PEX14: variants seen among roughly 807,000 people sequenced by gnomAD.
The protein encoded by PEX14 is peroxisomal membrane protein PEX14.
In PEX14, 15 loss-of-function variants were observed where a neutral mutation model predicts 49.5. The ratio of observed to expected loss-of-function variants is 0.30; its 90% CI spans 0.20 to 0.47. The LOEUF is 0.47. PEX14 is among the 20% of genes least tolerant of loss of function. The pLI, the probability that PEX14 is intolerant of heterozygous loss-of-function variation, is 1.00. For missense variants in PEX14, 398 were observed against 494.8 expected (o/e 0.80, Z 1.86); for synonymous variants, 210 against 212.7 (o/e 0.99, Z 0.11).
intron 3 of PEX14, among the ~76,000 whole-genome samples, chr1:10,571,668 G>A (rs1440352658): frequency 6.6e-6 from 1 of 152,026 alleles, no homozygotes; most frequent in African/African-American, 2.4e-5. Context: ...AATTAGCTGG[G>A]TGTGGTGGTG....
At chr1:10,568,160 G>C (rs1639862389) in intron 3 of PEX14, among the ~76,000 whole-genome samples, 1 of 151,812 alleles carries the variant, frequency 6.6e-6, no homozygotes, top group Non-Finnish European at 1.5e-5. Context: ...TACTTTTCTT[G>C]TCCAGTTGCA....
chr1:10,536,438 A>AC (rs1317710923), intron 3 of PEX14, 141 bp downstream of exon 3: 4 of 697,650 alleles, frequency 5.7e-6, no homozygotes, highest in Admixed American at 2.1e-5. Flanking sequence ...GCTGAGGCGA[A>AC]CCCCCCAGTG....
At chr1:10,475,339 G>C (rs1641176427) in intron 1 of PEX14, among the ~76,000 whole-genome samples, 1 of 152,180 alleles carries the variant, frequency 6.6e-6, no homozygotes, top group African/African-American at 2.4e-5. Context: ...GCGAGGGCTT[G>C]AGAAGGAGAG....
intron 3 of PEX14, among the ~76,000 whole-genome samples, chr1:10,542,444 T>C (rs1236605166): frequency 6.6e-6 from 1 of 152,226 alleles, no homozygotes; most frequent in East Asian, 1.9e-4. Flanking sequence ...TAATATTCCA[T>C]TATATGCATG....
chr1:10,510,863 A>G (rs964346544), intron 2 of PEX14, among the ~76,000 whole-genome samples: 2 of 152,232 alleles, frequency 1.3e-5, no homozygotes, highest in Admixed American at 6.5e-5. Flanking sequence ...GATGACTGCT[A>G]CGCAAGCAAC....
chr1:10,598,484 C>T (rs541396291), intron 3 of PEX14, among the ~76,000 whole-genome samples: 94 of 152,334 alleles, frequency 6.2e-4, no homozygotes, highest in Non-Finnish European at 1.0e-3. Flanking sequence ...ATCCTCTCCA[C>T]ATGGCATAGC....
chr1:10,522,915 C>T (rs1049411045), intron 2 of PEX14, among the ~76,000 whole-genome samples: 1 of 152,138 alleles, frequency 6.6e-6, no homozygotes, highest in African/African-American at 2.4e-5. Context: ...ATAATTTAAT[C>T]GTGATGACTC....
At chr1:10,587,939 G>A (rs1640548755) in intron 3 of PEX14, among the ~76,000 whole-genome samples, 1 of 126,646 alleles carries the variant, frequency 7.9e-6, no homozygotes, top group African/African-American at 3.1e-5. Flanking sequence ...AAGAGATGGA[G>A]TCTTGGCCAG....
rs537479561 is a variant in PEX14 at position 10,544,481 on chromosome 1, C to T, written c.169+8184C>T. ...GGGTGTGTGTGGCAAAGGGATGGGCCGAAGATGACTCTCAGGGTTGCTTTT... is the reference window on the plus strand; with the variant it reads ...GGGTGTGTGTGGCAAAGGGATGGGCTGAAGATGACTCTCAGGGTTGCTTTT... On this transcript the variant is annotated intron_variant, in intron 3 of 8. Transcript: ENST00000356607. Among the ~76,000 whole-genome samples the T allele has an allele frequency of 8.4e-4, 128 of 152,146 alleles. 1 individual carries two copies. Among genetic ancestry groups the T allele is most frequent in the African/African-American group, 2.9e-3 (122 of 41,498 alleles).
At chr1:10,478,784 C>T (rs1193821511) in intron 1 of PEX14, among the ~76,000 whole-genome samples, 4 of 150,586 alleles carry the variant, frequency 2.7e-5, no homozygotes, top group Non-Finnish European at 4.4e-5. Context: ...CTCGCTCTGT[C>T]GCCCAGGCTG....
At chr1:10,560,863 G>C (rs1274861365) in intron 3 of PEX14, among the ~76,000 whole-genome samples, 3 of 151,338 alleles carry the variant, frequency 2.0e-5, no homozygotes, top group Admixed American at 2.0e-4. Flanking sequence ...GATTATAGGC[G>C]CACACCACCA....
intron 4 of PEX14, among the ~76,000 whole-genome samples, chr1:10,615,182 G>T (rs1570354210): frequency 6.6e-6 from 1 of 152,168 alleles, no homozygotes; most frequent in African/African-American, 2.4e-5. Flanking sequence ...ACCCATAAAA[G>T]AATAGATTGA....
rs372036243 is a variant in PEX14, at chr1:10,482,478, G to A, written c.36+7476G>A. Among the ~76,000 whole-genome samples the A allele has an allele frequency of 1.1e-4, 16 of 145,202 alleles. No individual in the cohort carries two copies. In the East Asian group the frequency reaches 2.9e-3, roughly 26 times the overall value. ...TGAAATGGAGTCTCGCTCTGTCACC[G>A]GCTGGAGTGCAGTGGCGCAATCTCA... On this transcript the variant is annotated intron_variant, in intron 1 of 8. Transcript: ENST00000356607.
At chr1:10,619,657 C>G (rs78282029) in intron 5 of PEX14, among the ~76,000 whole-genome samples, 6 of 151,980 alleles carry the variant, frequency 3.9e-5, no homozygotes, top group African/African-American at 1.5e-4. Context: ...CACTCAGACT[C>G]GCCATGGTCA....
At chr1:10,481,060 TAAA>T (rs570930041) in intron 1 of PEX14, among the ~76,000 whole-genome samples, 47 of 150,710 alleles carry the variant, frequency 3.1e-4, no homozygotes, top group African/African-American at 1.1e-3. Flanking sequence ...TTTTCACACT[TAAA>T]AAAAATCAGA....
Position 10,623,271 on chromosome 1 carries a change from C to T in PEX14, c.487+150C>T, listed in dbSNP as rs1476346186. On this transcript the variant is annotated intron_variant, in intron 6 of 8. Coordinates refer to ENST00000356607, the MANE Select transcript of PEX14 (RefSeq NM_004565.3). The surrounding 1 kb of genome is among the most constrained non-coding windows in gnomAD (Gnocchi z 4.4). ...TGTTCACATTTGCAAATGAAGCCGC[C>T]GTCATTTCGGTTTAATTTGAAATTG... 5 of 665,806 alleles carry T rather than the reference C, an allele frequency of 7.5e-6. No individual in the cohort carries two copies. The highest frequency in any genetic ancestry group is 1.4e-5 in the Non-Finnish European group (5 of 360,512). The allele number at this position is 665,806 out of a possible 1,614,324, so 41.2% of individuals were successfully genotyped here.
chr1:10,502,980 G>A (rs976455610), intron 2 of PEX14, among the ~76,000 whole-genome samples: 9 of 151,406 alleles, frequency 5.9e-5, no homozygotes, highest in African/African-American at 9.7e-5. Context: ...TAAAAAAATT[G>A]TGTAGAGATG....
Position 10,623,170 on chromosome 1 carries a change from C to A in PEX14, c.487+49C>A. ...GTCACCCCTCACAGCCTTCTCCAAGCAGCCCCTTCTCTGCCCCTCCCCTCT... is the reference window on the plus strand; with the variant it reads ...GTCACCCCTCACAGCCTTCTCCAAGAAGCCCCTTCTCTGCCCCTCCCCTCT... On this transcript the variant is annotated intron_variant, in intron 6 of 8. Coordinates refer to ENST00000356607, the MANE Select transcript of PEX14 (RefSeq NM_004565.3). The surrounding 1 kb of genome is among the most constrained non-coding windows in gnomAD (Gnocchi z 4.4). The A allele has an allele frequency of 7.9e-7, 1 of 1,268,338 alleles. No individual in the cohort carries two copies. The allele number at this position is 1,268,338 out of a possible 1,614,324, so 78.6% of individuals were successfully genotyped here. A position where few individuals can be genotyped will look rare whatever the true frequency, so the allele number is the denominator to read the frequency against.
rs1639990884 is a variant in PEX14, at chr1:10,571,971, G to A, written c.170-27267G>A. Among the ~76,000 whole-genome samples the A allele has an allele frequency of 2.0e-5, 3 of 152,100 alleles. 1 individual carries two copies. In the South Asian group the frequency reaches 6.2e-4, roughly 32 times the overall value. ...CCCTTCAACCATCATCAGTTTGTAG[G>A]ATATCTGGAAAAATGGAAACAGAAC... is the stretch of plus-strand genomic sequence containing the variant. On this transcript the variant is annotated intron_variant, in intron 3 of 8. Transcript: ENST00000356607.
Sources: allele counts gnomAD v4.1 joint callset (sites outside exome capture counted in the v4.1 genomes callset), GRCh38; gene constraint gnomAD v4.1.1; non-coding constraint Gnocchi (gnomAD v3.1); transcripts MANE v1.5; gene names NCBI Gene and HGNC (gene_info 2026-07-23, HGNC 2026-07-21).